The following JPH3 variants were observed in gnomAD, a reference collection of about 807,000 sequenced individuals.
JPH3 encodes the protein junctophilin-3.
In JPH3, 11 loss-of-function variants were observed where a neutral mutation model predicts 59.6. The ratio of observed to expected loss-of-function variants is 0.18; its 90% CI spans 0.12 to 0.31. The LOEUF is 0.31. Among genes scored for constraint, JPH3 ranks in the 10% least tolerant of loss-of-function variants. JPH3 has a pLI of 1.00. For synonymous variants in JPH3, 673 were observed against 483.6 expected, an observed-to-expected ratio of 1.39 and a Z score of -5.14; for missense variants, 1,202 against 1,105.7, an observed-to-expected ratio of 1.09 and a Z score of -1.24.
intron 2 of JPH3, chr16:87,654,565 C>G (rs973365854): frequency 6.6e-6 from 1 of 152,326 alleles, no homozygotes; most frequent in African/African-American, 2.4e-5. Flanking sequence ...GCCTCAGGCA[C>G]GACAATCTGC....
intron 1 of JPH3, among the ~76,000 whole-genome samples, chr16:87,612,504 G>T (rs1254246025): frequency 6.6e-6 from 1 of 152,120 alleles, no homozygotes; most frequent in Non-Finnish European, 1.5e-5. Flanking sequence ...GCAGGTTGAG[G>T]ACCACTCATC....
chr16:87,670,372 G>T (rs749744826), intron 2 of JPH3, among the ~76,000 whole-genome samples: 1 of 152,178 alleles, frequency 6.6e-6, no homozygotes, highest in African/African-American at 2.4e-5. Context: ...AGGTTCTCCC[G>T]GCCAGGCCTG....
chr16:87,695,833 C>A (rs1316414588), intron 4 of JPH3: 1 of 456,068 alleles, frequency 2.2e-6, no homozygotes, highest in Non-Finnish European at 4.4e-6. Flanking sequence ...TCCTACCTGG[C>A]CCCGGCAAGC....
chr16:87,696,821 CT>C lies in JPH3; in HGVS notation c.*168del. 1 of 642,442 alleles carries C rather than the reference CT, an allele frequency of 1.6e-6. No homozygotes were observed. Among genetic ancestry groups the C allele is most frequent in the Non-Finnish European group, 2.7e-6 (1 of 365,092 alleles). The allele number at this position is 642,442 out of a possible 1,614,324, so 39.8% of individuals were successfully genotyped here. On this transcript the variant is annotated 3_prime_UTR_variant, in exon 5 of 5. Transcript: ENST00000284262. The stretch of plus-strand genomic sequence containing the variant: ...CGATTGGGTATCACTCACAGTTTGC[CT>C]TTTTTTCTGGGTAATGTTTTTTGGA...
chr16:87,679,845 G>A (rs1184841378), intron 2 of JPH3, among the ~76,000 whole-genome samples: 1 of 152,248 alleles, frequency 6.6e-6, no homozygotes, highest in Non-Finnish European at 1.5e-5. Flanking sequence ...GTCCCTCCCT[G>A]CCCATGGCCC....
Position 87,602,887 on chromosome 16 carries a change from G to A in JPH3, c.-260G>A. On this transcript the variant is annotated 5_prime_UTR_variant, in exon 1 of 5. Transcript: ENST00000284262. The stretch of plus-strand genomic sequence containing the variant: ...CCCTCCTCCCCTCCCCCTCCCCTCC[G>A]GTCCTGTCTCCAGCGGGAGCGCGAG... The A allele has an allele frequency of 9.6e-6, 1 of 103,750 alleles. No homozygotes were observed. Among genetic ancestry groups the A allele is most frequent in the East Asian group, 3.6e-4 (1 of 2,796 alleles). 6.4% of individuals were successfully genotyped at this position (103,750 alleles called of 1,614,324 possible). A position where few individuals can be genotyped will look rare whatever the true frequency, so the allele number is the denominator to read the frequency against.
At chr16:87,675,685 T>G (rs2033126374) in intron 2 of JPH3, among the ~76,000 whole-genome samples, 1 of 152,164 alleles carries the variant, frequency 6.6e-6, no homozygotes, top group Non-Finnish European at 1.5e-5. Flanking sequence ...AGAGTTTCTG[T>G]TAACTCAAAA....
chr16:87,606,104 T>C (rs537986998), intron 1 of JPH3, among the ~76,000 whole-genome samples: 2 of 152,150 alleles, frequency 1.3e-5, no homozygotes, highest in South Asian at 2.1e-4. Flanking sequence ...GCCTGCAGGG[T>C]GTGGGGATCG....
intron 2 of JPH3, among the ~76,000 whole-genome samples, chr16:87,661,412 C>G (rs1437461630): frequency 1.3e-5 from 2 of 151,850 alleles, no homozygotes; most frequent in Non-Finnish European, 2.9e-5. Flanking sequence ...TGACCACGCT[C>G]TCCTCTGGGC....
chr16:87,638,558 A>T (rs1200389465), intron 1 of JPH3, among the ~76,000 whole-genome samples: 1 of 109,176 alleles, frequency 9.2e-6, no homozygotes, highest in Non-Finnish European at 1.9e-5. Context: ...CCCTCTGAGG[A>T]CAAGGGTTAG....
chr16:87,654,891 C>T (rs1192447181), intron 2 of JPH3: 1 of 152,300 alleles, frequency 6.6e-6, no homozygotes, highest in African/African-American at 2.4e-5. Flanking sequence ...CCACGCATGT[C>T]CACTGGTCAC....
intron 1 of JPH3, among the ~76,000 whole-genome samples, chr16:87,626,253 C>A (rs986527332): frequency 6.6e-6 from 1 of 152,154 alleles, no homozygotes; most frequent in African/African-American, 2.4e-5. Flanking sequence ...TTTCATTGTG[C>A]ACACGTGCAG....
intron 1 of JPH3, among the ~76,000 whole-genome samples, chr16:87,639,653 C>T (rs7194208): frequency 0.056 from 8,412 of 151,518 alleles, 729 homozygotes; most frequent in African/African-American, 0.19. Flanking sequence ...CCTGTCCTCC[C>T]GCCTGTCCTC....
chr16:87,620,457 A>AGAGAGAGGGAGAAGGAGAG (rs2031135848), intron 1 of JPH3, among the ~76,000 whole-genome samples: 5 of 94,794 alleles, frequency 5.3e-5, no homozygotes, highest in African/African-American at 2.0e-4. Flanking sequence ...AGAGAGAAGG[A>AGAGAGAGGGAGAAGGAGAG]GAGAGAGGGA....
At position 87,689,924 on chromosome 16, in the gene JPH3, C is replaced by A; in HGVS notation, c.1564C>A (p.Arg522=). ...GGACATCCAGATGCTCCTGGAGGGC[C>A]GGGCCGGGGACTGCGCCCGCAGCAG... ...GGDIQMLLEG[R]AGDCARSSWG... is the part of the protein sequence containing the mutation. Residue 522 remains arginine (R), a synonymous_variant, in exon 4 of 5, where the codon CGG becomes AGG. Coordinates refer to ENST00000284262, the MANE Select transcript of JPH3 (RefSeq NM_020655.4). The A allele has an allele frequency of 6.9e-7, 1 of 1,451,726 alleles. No homozygotes were observed. The highest frequency in any genetic ancestry group is 1.4e-5 in the South Asian group (1 of 69,236). The allele number at this position is 1,451,726 out of a possible 1,614,324, so 89.9% of individuals were successfully genotyped here.
chr16:87,648,633 C>T (rs1047791535), intron 2 of JPH3, among the ~76,000 whole-genome samples: 2 of 145,912 alleles, frequency 1.4e-5, no homozygotes, highest in Admixed American at 1.3e-4. Context: ...TGAGGTCCTG[C>T]ACTGCTAAGG....
At chr16:87,625,495 G>T (rs1486097299) in intron 1 of JPH3, among the ~76,000 whole-genome samples, 1 of 152,164 alleles carries the variant, frequency 6.6e-6, no homozygotes, top group Non-Finnish European at 1.5e-5. Flanking sequence ...TGCCATTTTC[G>T]CAGAGGGGCC....
chr16:87,606,240 G>A (rs866719258), intron 1 of JPH3, among the ~76,000 whole-genome samples: 26 of 152,358 alleles, frequency 1.7e-4, no homozygotes, highest in Middle Eastern at 6.8e-3. Context: ...CACAAGAAGT[G>A]GGGGAATATT....
rs895856768 is a variant in JPH3 at position 87,681,871 on chromosome 16, A to C, written c.1161-2271A>C. Reference sequence around the variant, plus strand: ...GATGCAGTGTCCTGGGTGCTGCAGCATGGCTGAGCCTCGGATTCTCTGTCC... The same window carrying C: ...GATGCAGTGTCCTGGGTGCTGCAGCCTGGCTGAGCCTCGGATTCTCTGTCC... On this transcript the variant is annotated intron_variant, in intron 2 of 4. Transcript: ENST00000284262. Among the ~76,000 whole-genome samples, 5 of 152,158 alleles carry C rather than the reference A, an allele frequency of 3.3e-5. No individual in the cohort carries two copies. In the East Asian group the frequency reaches 9.6e-4, roughly 29 times the overall value.
Sources: allele counts gnomAD v4.1 joint callset (sites outside exome capture counted in the v4.1 genomes callset), GRCh38; gene constraint gnomAD v4.1.1; transcripts MANE v1.5; gene names NCBI Gene and HGNC (gene_info 2026-07-23, HGNC 2026-07-21).